Variants in CECR2 observed in about 807,000 individuals in gnomAD.
CECR2 encodes the protein CECR2 histone acetyl-lysine reader, also known as chromatin remodeling regulator CECR2.
A neutral mutation model predicts 154.5 loss-of-function variants in CECR2; 30 were observed. That is an observed-to-expected ratio of 0.19 (90% CI 0.15 to 0.26). The LOEUF (loss-of-function observed/expected upper bound fraction) is 0.26, where lower values mean the gene tolerates loss of function less well. CECR2 is among the 10% of genes least tolerant of loss of function. The pLI is 1.00. For synonymous variants in CECR2, 725 were observed against 683.7 expected, an observed-to-expected ratio of 1.06 and a Z score of -0.94; for missense variants, 1,743 against 1,829.3, an observed-to-expected ratio of 0.95 and a Z score of 0.86.
At chr22:17,480,419 T>TACACAC (rs55977287) in intron 2 of CECR2, among the ~76,000 whole-genome samples, 6,361 of 137,312 alleles carry the variant, frequency 0.046, 194 homozygotes, top group East Asian at 0.1. Context: ...TCATGTATAA[T>TACACAC]ACACACACAC....
At chr22:17,481,468 T>C (rs2055317143) in intron 2 of CECR2, among the ~76,000 whole-genome samples, 1 of 151,164 alleles carries the variant, frequency 6.6e-6, no homozygotes, top group African/African-American at 2.4e-5. Context: ...TGAGTGAGAG[T>C]AATCATCATG....
chr22:17,521,054 C>T (rs1347386189), intron 8 of CECR2, among the ~76,000 whole-genome samples: 1 of 152,176 alleles, frequency 6.6e-6, no homozygotes, highest in Non-Finnish European at 1.5e-5. Context: ...TACACTCCCA[C>T]CAACAGCGTA....
chr22:17,370,353 G>C (rs184723503), intron 1 of CECR2, among the ~76,000 whole-genome samples: 31,772 of 147,820 alleles, frequency 0.21, 5,221 homozygotes, highest in African/African-American at 0.47. Flanking sequence ...AACTCGGACC[G>C]GGGCGGGAGT....
Position 17,542,181 on chromosome 22 carries a change from C to G in CECR2, c.2038C>G (p.Arg680Gly). 1 of 1,611,518 alleles carries G rather than the reference C, an allele frequency of 6.2e-7. No individual in the cohort carries two copies. Among genetic ancestry groups the G allele is most frequent in the Non-Finnish European group, 8.5e-7 (1 of 1,178,238 alleles). The change falls in exon 16 of 19, where the codon CGA becomes GGA. Residue 680 changes from arginine (R) to glycine (G), a missense_variant. By Grantham distance (125) the Arg-to-Gly change is moderately radical. Transcript: ENST00000262608. ...GCCTCCAGTTGGAATTAACAGCCTC[C>G]GAGGACCCAGGCTAGGCACACCAGA... ...MQPPVGINSL[R>G]GPRLGTPEEK...
At chr22:17,508,400 T>A (rs1157825344) in intron 7 of CECR2, among the ~76,000 whole-genome samples, 1 of 151,890 alleles carries the variant, frequency 6.6e-6, no homozygotes, top group Non-Finnish European at 1.5e-5. Context: ...CTTAAATCTT[T>A]TATACTGTAT....
At position 17,434,740 on chromosome 22, in the gene CECR2, T is replaced by C. The variant is rs5992704; in HGVS notation, c.127-42848T>C. Among the ~76,000 whole-genome samples the C allele has an allele frequency of 2.0e-5, 3 of 152,082 alleles. No homozygotes were observed. In the East Asian group the frequency reaches 5.8e-4, roughly 29 times the overall value. On this transcript the variant is annotated intron_variant, in intron 1 of 18. Transcript: ENST00000262608. ...CTTGAGCACTTTCTTTTGTGGTCAT[T>C]TTGGGTGTGGGATACCTTTACCTAC...
At chr22:17,510,267 GA>G (rs2055919554) in intron 7 of CECR2, among the ~76,000 whole-genome samples, 2 of 152,230 alleles carry the variant, frequency 1.3e-5, no homozygotes, top group African/African-American at 4.8e-5. Flanking sequence ...AATCCCTTTG[GA>G]AGGCAGTTCC....
At chr22:17,459,175 C>G (rs1380507875) in intron 1 of CECR2, among the ~76,000 whole-genome samples, 3 of 152,300 alleles carry the variant, frequency 2.0e-5, no homozygotes, top group East Asian at 3.9e-4. Context: ...ATTCCAGTTA[C>G]AGTAAGAACC....
intron 1 of CECR2, among the ~76,000 whole-genome samples, chr22:17,406,907 G>A (rs1018100923): frequency 6.6e-6 from 1 of 152,096 alleles, no homozygotes. Flanking sequence ...GGGTATTCTC[G>A]TGCGAAAATG....
intron 2 of CECR2, among the ~76,000 whole-genome samples, chr22:17,491,007 CTTAGAG>C (rs2055519703): frequency 6.6e-6 from 1 of 152,078 alleles, no homozygotes; most frequent in African/African-American, 2.4e-5. Context: ...GCTTTTTTCA[CTTAGAG>C]TTATTTTTCA....
intron 14 of CECR2, among the ~76,000 whole-genome samples, chr22:17,541,357 A>G (rs2147025980): frequency 6.6e-6 from 1 of 152,244 alleles, no homozygotes; most frequent in South Asian, 2.1e-4. Flanking sequence ...AGGCAAAAGA[A>G]TTGCTTGAAC....
intron 1 of CECR2, among the ~76,000 whole-genome samples, chr22:17,454,743 T>G (rs2054828143): frequency 6.6e-6 from 1 of 152,198 alleles, no homozygotes; most frequent in Non-Finnish European, 1.5e-5. Flanking sequence ...CTAGGCCTTG[T>G]TATTTACAAA....
chr22:17,480,040 G>A (rs2055279809), intron 2 of CECR2, among the ~76,000 whole-genome samples: 1 of 152,038 alleles, frequency 6.6e-6, no homozygotes, highest in Non-Finnish European at 1.5e-5. Flanking sequence ...GATTACAGGT[G>A]TGAGCCACTG....
chr22:17,503,688 A>C (rs1487461631), intron 6 of CECR2, among the ~76,000 whole-genome samples: 1 of 152,210 alleles, frequency 6.6e-6, no homozygotes, highest in Non-Finnish European at 1.5e-5. Flanking sequence ...TTTAGACATT[A>C]CATTTTTTTT....
chr22:17,378,735 T>C (rs751862655), intron 1 of CECR2, among the ~76,000 whole-genome samples: 1 of 152,182 alleles, frequency 6.6e-6, no homozygotes, highest in African/African-American at 2.4e-5. Flanking sequence ...ATTACTTTAG[T>C]GTGTGAGGTA....
At chr22:17,364,224 T>C (rs1458690995) in intron 1 of CECR2, among the ~76,000 whole-genome samples, 1 of 150,944 alleles carries the variant, frequency 6.6e-6, no homozygotes, top group Non-Finnish European at 1.5e-5. Context: ...GCGCCTGTAG[T>C]CCCAGCTACT....
At chr22:17,389,593 G>A (rs2063304385) in intron 1 of CECR2, among the ~76,000 whole-genome samples, 1 of 152,034 alleles carries the variant, frequency 6.6e-6, no homozygotes, top group African/African-American at 2.4e-5. Flanking sequence ...CTACAAGCAT[G>A]AGCCGCCACG....
chr22:17,404,412 C>A (rs1340094605), intron 1 of CECR2, among the ~76,000 whole-genome samples: 1 of 77,382 alleles, frequency 1.3e-5, no homozygotes, highest in East Asian at 3.3e-4. Context: ...CTCGCTCTGT[C>A]GCCCAGGCTG....
In CECR2 at chr22:17,553,010, C is replaced by A; in HGVS notation, c.*170C>A. The A allele has an allele frequency of 7.0e-7, 1 of 1,422,888 alleles. No individual in the cohort carries two copies. Among genetic ancestry groups the A allele is most frequent in the Non-Finnish European group, 9.2e-7 (1 of 1,088,958 alleles). 88.1% of individuals were successfully genotyped at this position (1,422,888 alleles called of 1,614,324 possible). A position where few individuals can be genotyped will look rare whatever the true frequency, so the allele number is the denominator to read the frequency against. On this transcript the variant is annotated 3_prime_UTR_variant, in exon 19 of 19. Transcript: ENST00000262608. ...GCCAGTCACGGGCCCTAAAAGGACA[C>A]TCCTTAGATGACTGACACACAGATT...
Sources: gnomAD v4.1 joint callset for allele counts (sites outside exome capture counted in the v4.1 genomes callset) on GRCh38, gnomAD v4.1.1 for gene constraint, MANE v1.5 for transcripts, NCBI Gene and HGNC (gene_info 2026-07-23, HGNC 2026-07-21) for gene names.